SMC6: variants seen among roughly 807,000 people sequenced by gnomAD.
The protein encoded by SMC6 is structural maintenance of chromosomes 6.
SMC6 carries 79 observed loss-of-function variants against 142.2 expected under a neutral mutation model. That is an observed-to-expected ratio of 0.56 (90% CI 0.46 to 0.67). SMC6 has a LOEUF of 0.67. Among genes scored for constraint, SMC6 ranks in the 30% least tolerant of loss-of-function variants. The pLI, the probability that SMC6 is intolerant of heterozygous loss-of-function variation, is 0.00. For missense variants in SMC6, 1,072 were observed against 1,284.0 expected (o/e 0.83, Z 2.52); for synonymous variants, 411 against 412.4 (o/e 1.00, Z 0.04).
chr2:17,667,827 G>A (rs916500833), intron 26 of SMC6, among the ~76,000 whole-genome samples: 11 of 152,130 alleles, frequency 7.2e-5, no homozygotes, highest in Non-Finnish European at 1.0e-4. Context: ...TCCAGCCTGG[G>A]TAACAGAACG....
chr2:17,721,264 T>A lies in SMC6; in HGVS notation c.727-3A>T. On this transcript the variant is annotated splice_polypyrimidine_tract_variant and splice_region_variant and intron_variant, in intron 9 of 27. Coordinates refer to ENST00000448223, the MANE Select transcript of SMC6 (RefSeq NM_001142286.2). ...TGGCGCTTTAGTTCAGTAAGCCGCT[T>A]AAAAAAAGAAAACAGAACGGACGTA... is the stretch of plus-strand genomic sequence containing the variant. 1 of 1,565,526 alleles carries A rather than the reference T, an allele frequency of 6.4e-7. No individual in the cohort carries two copies.
At chr2:17,748,152 C>T (rs1019735704) in intron 2 of SMC6, among the ~76,000 whole-genome samples, 2 of 152,128 alleles carry the variant, frequency 1.3e-5, no homozygotes, top group African/African-American at 4.8e-5. Flanking sequence ...TTGTAGACTC[C>T]TCATATTTAA....
Position 17,678,840 on chromosome 2 carries a change from A to G in SMC6, c.2910+19T>C. 6.6e-7 allele frequency: 1 copy of G among 1,508,850 alleles called. No individual in the cohort carries two copies. 93.5% of individuals were successfully genotyped at this position (1,508,850 alleles called of 1,614,324 possible). A position where few individuals can be genotyped will look rare whatever the true frequency, so the allele number is the denominator to read the frequency against. On this transcript the variant is annotated intron_variant, in intron 25 of 27. Transcript: ENST00000448223. ...CTAGTTTTTCTAATGATTAGGATGA[A>G]AAGAATTAGGATACTTACTGATATA... is the stretch of plus-strand genomic sequence containing the variant.
chr2:17,704,225 TA>T (rs1398293135), intron 18 of SMC6, among the ~76,000 whole-genome samples: 1 of 152,142 alleles, frequency 6.6e-6, no homozygotes, highest in African/African-American at 2.4e-5. Flanking sequence ...TCGTATTCTC[TA>T]AATTTTTCAT....
Position 17,715,096 on chromosome 2 carries a change from CATAA to C in SMC6, c.1526-35_1526-32del, listed in dbSNP as rs774199240. On this transcript the variant is annotated intron_variant, in intron 15 of 27. Transcript: ENST00000448223. ...AGTGAGAGAAAATTACAGAAGGGCT[CATAA>C]ATACTTATTTTGAAATATTAACATC... 4.4e-6 allele frequency: 7 copies of C among 1,589,112 alleles called. No individual in the cohort carries two copies. In the East Asian group the frequency reaches 9.0e-5, roughly 20 times the overall value.
intron 22 of SMC6, among the ~76,000 whole-genome samples, chr2:17,695,951 C>T (rs1374203025): frequency 2.0e-5 from 3 of 152,156 alleles, no homozygotes; most frequent in Admixed American, 2.0e-4. Context: ...GGCCCACAGC[C>T]CAACTACTCA....
intron 2 of SMC6, among the ~76,000 whole-genome samples, chr2:17,748,535 T>C (rs1670865164): frequency 6.6e-6 from 1 of 152,226 alleles, no homozygotes; most frequent in Admixed American, 6.5e-5. Context: ...TTTAATGTTT[T>C]GAAACTGTTA....
intron 12 of SMC6, 54 bp downstream of exon 12, chr2:17,718,023 C>G: frequency 6.6e-7 from 1 of 1,519,320 alleles, no homozygotes; most frequent in Non-Finnish European, 8.9e-7. Context: ...AGAAGAACAG[C>G]CTTTATATTT....
At position 17,720,933 on chromosome 2, in the gene SMC6, T is replaced by G. The variant is rs1669336550; in HGVS notation, c.945+7A>C. 6 of 1,610,144 alleles carry G rather than the reference T, an allele frequency of 3.7e-6. No individual in the cohort carries two copies. The highest frequency in any genetic ancestry group is 5.1e-6 in the Non-Finnish European group (6 of 1,177,530). On this transcript the variant is annotated splice_region_variant and intron_variant, in intron 11 of 27. Coordinates refer to ENST00000448223, the MANE Select transcript of SMC6 (RefSeq NM_001142286.2). ...CTATTAAATCTGCATTTAAAAACTG[T>G]AATTACCTGCTGTTCTTCCATTTTC...
chr2:17,671,018 C>A (rs969445612), intron 25 of SMC6, among the ~76,000 whole-genome samples: 2 of 150,550 alleles, frequency 1.3e-5, no homozygotes, highest in Admixed American at 6.6e-5. Context: ...TATGCCACCA[C>A]GGCCAGCTAA....
Position 17,670,498 on chromosome 2 carries a change from T to C in SMC6, c.2988A>G (p.Thr996=). Residue 996 remains threonine, a synonymous_variant, in exon 26 of 28, where the codon ACA becomes ACG. Transcript: ENST00000448223. ...ACCACAGGGAAAGAATAAAACACAC[T>C]GTGGAGAAAGAACGTTCACCTCCAG... ...ALSGGERSFS[T]VCFILSLWSI... The C allele has an allele frequency of 6.2e-7, 1 of 1,609,196 alleles. No homozygotes were observed. Among genetic ancestry groups the C allele is most frequent in the South Asian group, 1.1e-5 (1 of 89,778 alleles).
rs1669114766 is a variant in SMC6 at position 17,716,886 on chromosome 2, G to T, written c.1201C>A (p.Pro401Thr). The T allele has an allele frequency of 1.2e-6, 2 of 1,609,762 alleles. No homozygotes were observed. The highest frequency in any genetic ancestry group is 1.7e-6 in the Non-Finnish European group (2 of 1,178,894). The stretch of plus-strand genomic sequence containing the variant: ...TTTTTTTGTCTTTCCAACCGTTCAG[G>T]TTCCAAAGATTGGTCAGTACTAACA... Reference protein sequence around the residue: ...LKKSTDQSLEPERLERQKKIS... With the variant: ...LKKSTDQSLETERLERQKKIS... The change falls in exon 14 of 28, where the codon CCT becomes ACT. Residue 401 changes from proline (P) to threonine (T), a missense_variant. Around this residue, in one of 3 missense-constraint regions of SMC6, gnomAD observed 994 missense variants for 1,153.2 expected, o/e 0.86. Coordinates refer to ENST00000448223, the MANE Select transcript of SMC6 (RefSeq NM_001142286.2).
chr2:17,747,244 G>C (rs1179120335), intron 2 of SMC6, among the ~76,000 whole-genome samples: 1 of 152,180 alleles, frequency 6.6e-6, no homozygotes, highest in Non-Finnish European at 1.5e-5. Context: ...ATTGCCCAGA[G>C]GTGAGAAGAC....
intron 3 of SMC6, 21 bp downstream of exon 3, chr2:17,745,806 A>C (rs1558383315): frequency 4.4e-6 from 7 of 1,581,260 alleles, no homozygotes; most frequent in Non-Finnish European, 5.1e-6. Context: ...AAAAAGCATA[A>C]TTTTGTAATT....
rs191016121 is a variant in SMC6 at position 17,683,394 on chromosome 2, G to A, written c.2804+244C>T. Among the ~76,000 whole-genome samples, 1,321 of 152,160 alleles carry A rather than the reference G, an allele frequency of 8.7e-3. 10 individuals are homozygous for A. Among genetic ancestry groups the A allele is most frequent in the Non-Finnish European group, 0.014 (927 of 68,008 alleles). On this transcript the variant is annotated intron_variant, in intron 24 of 27. Transcript: ENST00000448223. ...TAGAACCAATGAGTTCCCTTTCAAAGGACCTATTTAAGCATAAAAGACCTA... is the reference window on the plus strand; with the variant it reads ...TAGAACCAATGAGTTCCCTTTCAAAAGACCTATTTAAGCATAAAAGACCTA...
intron 16 of SMC6, among the ~76,000 whole-genome samples, chr2:17,709,832 C>A (rs1278651117): frequency 6.6e-6 from 1 of 152,138 alleles, no homozygotes; most frequent in Non-Finnish European, 1.5e-5. Context: ...GATATAGTCA[C>A]ATAAGTAACC....
At chr2:17,681,350 A>T (rs747867612) in intron 24 of SMC6, 5 of 152,242 alleles carry the variant, frequency 3.3e-5, no homozygotes, top group Non-Finnish European at 5.9e-5. Context: ...TAGTGTATTC[A>T]CTGGAATAGC....
In SMC6 at chr2:17,665,358, G is replaced by T; in HGVS notation, c.*141C>A. ...GTTGGTTTTCCAGGCTTATTTATAT[G>T]TTTGATTGTGGTTGGATATATAAAG... On this transcript the variant is annotated 3_prime_UTR_variant, in exon 28 of 28. Coordinates refer to ENST00000448223, the MANE Select transcript of SMC6 (RefSeq NM_001142286.2). The T allele has an allele frequency of 2.4e-6, 1 of 413,760 alleles. No individual in the cohort carries two copies. The highest frequency in any genetic ancestry group is 4.2e-6 in the Non-Finnish European group (1 of 235,944). The allele number at this position is 413,760 out of a possible 1,614,324, so 25.6% of individuals were successfully genotyped here. A position where few individuals can be genotyped will look rare whatever the true frequency, so the allele number is the denominator to read the frequency against.
At chr2:17,721,315 AT>A (rs1273100835) in intron 9 of SMC6, 54 bp from the exon 10 acceptor site, 1 of 1,482,574 alleles carries the variant, frequency 6.7e-7, no homozygotes, top group East Asian at 2.4e-5. Flanking sequence ...GAAAAAACAC[AT>A]TTTTGCAAAT....
Sources: allele counts gnomAD v4.1 joint callset (sites outside exome capture counted in the v4.1 genomes callset), GRCh38; gene constraint gnomAD v4.1.1; regional missense constraint gnomAD v4.1.1; transcripts MANE v1.5; gene names NCBI Gene and HGNC (gene_info 2026-07-23, HGNC 2026-07-21).